Variants in CNTN4 observed in about 807,000 individuals in gnomAD.
The protein encoded by CNTN4 is contactin 4.
A neutral mutation model predicts 122.5 loss-of-function variants in CNTN4; 77 were observed. The observed-to-expected ratio is 0.63, with a 90% confidence interval of 0.52 to 0.76. CNTN4 has a LOEUF of 0.76. Among genes scored for constraint, CNTN4 ranks in the 30% least tolerant of loss-of-function variants. CNTN4 has a pLI of 0.00. For synonymous variants in CNTN4, 512 were observed against 447.0 expected, an observed-to-expected ratio of 1.15 and a Z score of -1.83; for missense variants, 1,256 against 1,259.1, an observed-to-expected ratio of 1.00 and a Z score of 0.04.
At chr3:2,810,810 G>T (rs1227457313) in intron 6 of CNTN4, among the ~76,000 whole-genome samples, 3 of 152,156 alleles carry the variant, frequency 2.0e-5, no homozygotes, top group African/African-American at 7.2e-5. Context: ...TGATATTTTT[G>T]TAATTCCAAA....
At chr3:2,489,402 A>T (rs2076251524) in intron 3 of CNTN4, among the ~76,000 whole-genome samples, 1 of 152,200 alleles carries the variant, frequency 6.6e-6, no homozygotes, top group South Asian at 2.1e-4. Flanking sequence ...GGCTAAAGGA[A>T]AGAAGCCCTC....
chr3:2,916,724 C>T (rs545383110), intron 12 of CNTN4, among the ~76,000 whole-genome samples: 5 of 144,172 alleles, frequency 3.5e-5, no homozygotes, highest in Non-Finnish European at 7.5e-5. Context: ...GGTACACCTC[C>T]CAGACGGGGT....
chr3:2,385,081 A>G lies in CNTN4; in HGVS notation c.-89+45848A>G, dbSNP rs914254571. 3.3e-5 allele frequency among the ~76,000 whole-genome samples: 5 copies of G among 152,102 alleles called. No individual in the cohort carries two copies. Among genetic ancestry groups the G allele is most frequent in the African/African-American group, 7.2e-5 (3 of 41,404 alleles). Reference sequence around the variant, plus strand: ...CTGGTCTATTCTGGTATTACCCAGAACAAATAAATTACATTGCTGATATCA... The same window carrying G: ...CTGGTCTATTCTGGTATTACCCAGAGCAAATAAATTACATTGCTGATATCA... On this transcript the variant is annotated intron_variant, in intron 3 of 24. Transcript: ENST00000418658. This position sits in a 1 kb window ranked among gnomAD's most constrained non-coding sequence, Gnocchi z 4.0.
At chr3:2,254,925 G>A (rs117546431) in intron 2 of CNTN4, among the ~76,000 whole-genome samples, 31,228 of 152,008 alleles carry the variant, frequency 0.21, 3,965 homozygotes, top group Non-Finnish European at 0.28. Context: ...TTTTGTTGCC[G>A]TTGGTTTTGG....
At chr3:2,184,288 A>C (rs147252234) in intron 2 of CNTN4, among the ~76,000 whole-genome samples, 55 of 152,282 alleles carry the variant, frequency 3.6e-4, no homozygotes, top group African/African-American at 1.3e-3. Context: ...CACCAGCCTG[A>C]AATTTTCATT....
chr3:2,156,939 G>T (rs373694648), intron 2 of CNTN4, among the ~76,000 whole-genome samples: 6 of 152,168 alleles, frequency 3.9e-5, no homozygotes, highest in African/African-American at 1.4e-4. Context: ...AACCATTTTG[G>T]GGTCATTAAT....
intron 4 of CNTN4, among the ~76,000 whole-genome samples, chr3:2,591,352 C>CTTTTTTTTTTTTTTTT (rs71058629): frequency 2.7e-5 from 1 of 36,376 alleles, no homozygotes; most frequent in African/African-American, 9.7e-5. Flanking sequence ...AGATTTGTGA[C>CTTTTTTTTTTTTTTTT]TTTTTTTTTT....
At chr3:2,666,649 T>G (rs910778787) in intron 4 of CNTN4, among the ~76,000 whole-genome samples, 1 of 152,188 alleles carries the variant, frequency 6.6e-6, no homozygotes, top group East Asian at 1.9e-4. Context: ...AACGTGCAGG[T>G]TTTTTACATA....
chr3:2,972,361 A>G (rs1693008729), intron 13 of CNTN4, among the ~76,000 whole-genome samples: 1 of 151,970 alleles, frequency 6.6e-6, no homozygotes, highest in Non-Finnish European at 1.5e-5. Flanking sequence ...CACACACTCA[A>G]AGATTTTAAT....
chr3:2,858,089 G>A (rs182433555), intron 7 of CNTN4, among the ~76,000 whole-genome samples: 1 of 152,228 alleles, frequency 6.6e-6, no homozygotes, highest in South Asian at 2.1e-4. Flanking sequence ...CTGAGTGCCT[G>A]TTCCTCAGTG....
At chr3:2,952,872 G>A (rs756172038) in intron 13 of CNTN4, among the ~76,000 whole-genome samples, 5 of 152,146 alleles carry the variant, frequency 3.3e-5, no homozygotes, top group Non-Finnish European at 4.4e-5. Flanking sequence ...CATGGTTATA[G>A]CAACAGCGAG....
intron 8 of CNTN4, among the ~76,000 whole-genome samples, chr3:2,868,611 G>C (rs1476956846): frequency 6.8e-6 from 1 of 147,642 alleles, no homozygotes; most frequent in Non-Finnish European, 1.5e-5. Flanking sequence ...CTACACTGTG[G>C]AATTTTTGAG....
rs546542405 is a variant in CNTN4, at chr3:2,635,148, C to T, written c.55+63590C>T. On this transcript the variant is annotated intron_variant, in intron 4 of 24. Transcript: ENST00000418658. The stretch of plus-strand genomic sequence containing the variant: ...AACTGAAACCTATTCACTCTCTACG[C>T]ACCTGTTCAATGCCACCACTCTGGA... 6.6e-5 allele frequency among the ~76,000 whole-genome samples: 10 copies of T among 152,236 alleles called. 1 individual carries two copies. The South Asian group carries it at 1.9e-3, about 28-fold the overall frequency.
intron 2 of CNTN4, among the ~76,000 whole-genome samples, chr3:2,269,910 G>GTTTA (rs1314136003): frequency 3.4e-4 from 9 of 26,602 alleles, no homozygotes; most frequent in African/African-American, 5.8e-4. Context: ...TTGTTTGTTT[G>GTTTA]TTTGTTTATT....
At chr3:2,248,791 T>C (rs541426987) in intron 2 of CNTN4, among the ~76,000 whole-genome samples, 2 of 152,108 alleles carry the variant, frequency 1.3e-5, no homozygotes, top group Admixed American at 6.6e-5. Flanking sequence ...TGCATTCTCC[T>C]GACGATATAA....
At chr3:2,685,898 T>A (rs938224425) in intron 4 of CNTN4, among the ~76,000 whole-genome samples, 3 of 152,196 alleles carry the variant, frequency 2.0e-5, no homozygotes, top group Non-Finnish European at 4.4e-5. Context: ...AACATTATAC[T>A]CTGTGATTTT....
At chr3:2,627,018 T>C (rs2600313) in intron 4 of CNTN4, among the ~76,000 whole-genome samples, 149,304 of 152,304 alleles carry the variant, frequency 0.98, 73,195 homozygotes, top group East Asian at 1. Flanking sequence ...TGCTCTTCTT[T>C]GTATATAATT....
At chr3:2,898,098 G>C (rs2094134860) in intron 10 of CNTN4, among the ~76,000 whole-genome samples, 2 of 152,138 alleles carry the variant, frequency 1.3e-5, no homozygotes, top group South Asian at 4.1e-4. Context: ...CACTCGTTTA[G>C]ATATGATTCA....
At chr3:3,032,152 A>G (rs564802563) in intron 16 of CNTN4, among the ~76,000 whole-genome samples, 8 of 152,278 alleles carry the variant, frequency 5.3e-5, no homozygotes, top group Admixed American at 1.3e-4. Context: ...TGGAAATGAG[A>G]AAAAACTTTC....
Sources: gnomAD v4.1 joint callset for allele counts (sites outside exome capture counted in the v4.1 genomes callset) on GRCh38, gnomAD v4.1.1 for gene constraint, Gnocchi (gnomAD v3.1) non-coding constraint, MANE v1.5 for transcripts, NCBI Gene and HGNC (gene_info 2026-07-23, HGNC 2026-07-21) for gene names.